CD300C: variants seen among roughly 807,000 people sequenced by gnomAD.
CD300C encodes the protein CMRF35-like molecule 6.
Under a neutral mutation model 18.4 loss-of-function variants are expected in CD300C, and 11 were observed. That is an observed-to-expected ratio of 0.60 (90% CI 0.38 to 0.99). The LOEUF is 0.99. Among genes scored for constraint, CD300C ranks in the 50% least tolerant of loss-of-function variants. The pLI is 0.01. For missense variants in CD300C, 277 were observed against 287.4 expected, an observed-to-expected ratio of 0.96 and a Z score of 0.26; for synonymous variants, 116 against 116.3, an observed-to-expected ratio of 1.00 and a Z score of 0.02.
At chr17:74,542,825 G>T (rs192199557) in intron 3 of CD300C, 36 bp downstream of exon 3, 14 of 1,576,554 alleles carry the variant, frequency 8.9e-6, no homozygotes, top group Non-Finnish European at 1.1e-5. Context: ...TGGGGAGGCC[G>T]CCAGCGTGGC....
chr17:74,535,018 A>G, the CD300C span, among the ~76,000 whole-genome samples: 1 of 152,266 alleles, frequency 6.6e-6, no homozygotes, highest in Non-Finnish European at 1.5e-5. Flanking sequence ...AAAGAAAAAC[A>G]AAGCTCTAAA....
chr17:74,541,669 G>C lies in CD300C; in HGVS notation c.595C>G (p.Leu199Val). Residue 199 changes from leucine to valine, a missense_variant, in exon 4 of 4, where the codon CTG becomes GTG. Physicochemically the swap from Leu to Val is conservative, Grantham distance 32. Transcript: ENST00000330793. ...CTGTTCACCCAGAGGACGGCACCCAGCATGCTCAGGAGCAGGGGCAGCTCC... is the reference window on the plus strand; with the variant it reads ...CTGTTCACCCAGAGGACGGCACCCACCATGCTCAGGAGCAGGGGCAGCTCC... The part of the protein sequence containing the change: ...LLELPLLLSM[L>V]GAVLWVNRPQ... The C allele has an allele frequency of 6.2e-7, 1 of 1,613,894 alleles. No homozygotes were observed. Among genetic ancestry groups the C allele is most frequent in the Non-Finnish European group, 8.5e-7 (1 of 1,179,794 alleles).
intron 1 of CD300C, 28 bp from the exon 2 acceptor site, chr17:74,544,975 T>C (rs1363977996): frequency 3.2e-6 from 5 of 1,576,580 alleles, no homozygotes; most frequent in Non-Finnish European, 4.3e-6. Context: ...AAATCCTGTC[T>C]CCTTACCAGA....
chr17:74,543,735 C>T (rs984413504), intron 2 of CD300C, among the ~76,000 whole-genome samples: 2 of 152,110 alleles, frequency 1.3e-5, no homozygotes, highest in Admixed American at 1.3e-4. Flanking sequence ...CAGAAGAAAA[C>T]GATGGAAAAG....
intron 3 of CD300C, 149 bp from the exon 4 acceptor site, chr17:74,541,885 C>T (rs1013147556): frequency 7.6e-6 from 6 of 786,964 alleles, no homozygotes; most frequent in African/African-American, 3.5e-5. Context: ...CTCAGCATCA[C>T]GGCCCCTAAC....
At chr17:74,539,550 A>G (rs1002307670), downstream of CD300C, among the ~76,000 whole-genome samples, 6 of 151,994 alleles carry the variant, frequency 3.9e-5, no homozygotes, top group African/African-American at 1.5e-4. Flanking sequence ...CTGAACTCCC[A>G]ATGGCTCCTG....
downstream of CD300C, among the ~76,000 whole-genome samples, chr17:74,539,611 C>A (rs779185850): frequency 1.3e-5 from 2 of 152,196 alleles, no homozygotes; most frequent in Non-Finnish European, 2.9e-5. Flanking sequence ...CAGGTCCTGG[C>A]AGCCCCTATC....
chr17:74,540,126 G>C (rs1016277636), downstream of CD300C, among the ~76,000 whole-genome samples: 1 of 152,162 alleles, frequency 6.6e-6, no homozygotes, highest in Non-Finnish European at 1.5e-5. Flanking sequence ...TCTGCTTCCT[G>C]TGTTTTCCAG....
chr17:74,542,847 C>G lies in CD300C; in HGVS notation c.527+14G>C. The G allele has an allele frequency of 1.9e-6, 3 of 1,602,438 alleles. No individual in the cohort carries two copies. Among genetic ancestry groups the G allele is most frequent in the Non-Finnish European group, 2.5e-6 (3 of 1,179,546 alleles). ...GCCGCCAGCGTGGCCCAGTCCTATG[C>G]GCAGGCACCTTACCCAGGGTGTGGG... On this transcript the variant is annotated intron_variant, in intron 3 of 3. Transcript: ENST00000330793.
downstream of CD300C, among the ~76,000 whole-genome samples, chr17:74,539,630 A>C (rs146911024): frequency 4.6e-5 from 7 of 152,280 alleles, no homozygotes; most frequent in Non-Finnish European, 1.0e-4. Context: ...TCACCCGGCA[A>C]GTGGCTCCAA....
the CD300C span, among the ~76,000 whole-genome samples, chr17:74,535,469 C>CA: frequency 0.01 from 810 of 80,118 alleles, 23 homozygotes; most frequent in East Asian, 0.11. Context: ...AACTCTGTCT[C>CA]AAAAAAAAAA....
At position 74,541,160 on chromosome 17, in the gene CD300C, C is replaced by G. The variant is rs571241661; in HGVS notation, c.*429G>C. 5.3e-5 allele frequency: 9 copies of G among 169,174 alleles called. No homozygotes were observed. The highest frequency in any genetic ancestry group is 1.2e-4 in the Non-Finnish European group (9 of 77,544). The allele number at this position is 169,174 out of a possible 1,614,324, so 10.5% of individuals were successfully genotyped here. On this transcript the variant is annotated 3_prime_UTR_variant, in exon 4 of 4. Coordinates refer to ENST00000330793, the MANE Select transcript of CD300C (RefSeq NM_006678.5). ...GAAAGCATCATTGAATCGACACACTCAGCAAATGGAAGCAGCCGCATATTC... is the reference window on the plus strand; with the variant it reads ...GAAAGCATCATTGAATCGACACACTGAGCAAATGGAAGCAGCCGCATATTC...
At chr17:74,536,818 G>A (rs544909850), downstream of CD300C, among the ~76,000 whole-genome samples, 1 of 152,268 alleles carries the variant, frequency 6.6e-6, no homozygotes, top group African/African-American at 2.4e-5. Flanking sequence ...TAGTAGAGCT[G>A]ATTACACACA....
In CD300C at chr17:74,545,786, T is replaced by G; in HGVS notation, c.-4A>C. ...AGGCCCAGGCCCTGGCAGTCATTCCTGTAACACGAATGTCACCTGCCACTG... is the reference window on the plus strand; with the variant it reads ...AGGCCCAGGCCCTGGCAGTCATTCCGGTAACACGAATGTCACCTGCCACTG... On this transcript the variant is annotated 5_prime_UTR_variant, in exon 1 of 4. Transcript: ENST00000330793. 1 of 1,605,586 alleles carries G rather than the reference T, an allele frequency of 6.2e-7. No individual in the cohort carries two copies. Among genetic ancestry groups the G allele is most frequent in the East Asian group, 2.2e-5 (1 of 44,626 alleles).
intron 3 of CD300C, 30 bp from the exon 4 acceptor site, chr17:74,541,766 C>T: frequency 6.3e-7 from 1 of 1,598,558 alleles, no homozygotes; most frequent in East Asian, 2.3e-5. Context: ...GGCAGTGAGT[C>T]ACCTCCCCAG....
the CD300C span, among the ~76,000 whole-genome samples, chr17:74,535,469 C>CAAAAAAA: frequency 1.2e-5 from 1 of 80,278 alleles, no homozygotes; most frequent in African/African-American, 4.8e-5. Context: ...AACTCTGTCT[C>CAAAAAAA]AAAAAAAAAA....
downstream of CD300C, among the ~76,000 whole-genome samples, chr17:74,539,452 C>G (rs36119608): frequency 0.54 from 82,509 of 151,938 alleles, 22,949 homozygotes; most frequent in Middle Eastern, 0.69. Context: ...GACCTGGTCT[C>G]CCCTTCTGCT....
At chr17:74,540,211 G>A (rs1233596279), downstream of CD300C, among the ~76,000 whole-genome samples, 3 of 152,068 alleles carry the variant, frequency 2.0e-5, no homozygotes, top group Admixed American at 6.5e-5. Context: ...CCTCCTCCAG[G>A]GATCCTGGCG....
chr17:74,545,286 C>T (rs950735522), intron 1 of CD300C, among the ~76,000 whole-genome samples: 12 of 146,928 alleles, frequency 8.2e-5, no homozygotes. Context: ...GCATGTGTGA[C>T]TGTGTGTGCA....
Sources: gnomAD v4.1 joint callset for allele counts (sites outside exome capture counted in the v4.1 genomes callset) on GRCh38, gnomAD v4.1.1 for gene constraint, MANE v1.5 for transcripts, NCBI Gene and HGNC (gene_info 2026-07-23, HGNC 2026-07-21) for gene names.